GALNT13: variants seen among roughly 807,000 people sequenced by gnomAD.
GALNT13 encodes the protein polypeptide N-acetylgalactosaminyltransferase 13.
GALNT13 carries 28 observed loss-of-function variants against 64.2 expected under a neutral mutation model. The ratio of observed to expected loss-of-function variants is 0.44; its 90% confidence interval spans 0.32 to 0.60. The LOEUF is 0.60. GALNT13 is among the 20% of genes least tolerant of loss of function. The probability of loss-of-function intolerance (pLI) is 0.05; values close to 1 mark genes in which losing one functional copy is unlikely to be tolerated. For synonymous variants in GALNT13, 214 were observed against 224.6 expected, an observed-to-expected ratio of 0.95 and a Z score of 0.42; for missense variants, 577 against 669.8, an observed-to-expected ratio of 0.86 and a Z score of 1.53.
the GALNT13 span, among the ~76,000 whole-genome samples, chr2:153,163,291 G>A: frequency 5.9e-5 from 9 of 152,178 alleles, no homozygotes; most frequent in Non-Finnish European, 1.3e-4. Flanking sequence ...TAGAGTAAGT[G>A]AGGAGCCCAA....
chr2:153,373,958 G>A, the GALNT13 span, among the ~76,000 whole-genome samples: 8 of 151,968 alleles, frequency 5.3e-5, no homozygotes, highest in Admixed American at 6.6e-5. Context: ...CTTTTTTACG[G>A]TTGAATAATA....
the GALNT13 span, among the ~76,000 whole-genome samples, chr2:153,552,396 CG>C: frequency 6.6e-6 from 1 of 151,960 alleles, no homozygotes; most frequent in East Asian, 1.9e-4. Context: ...ATTGCAAGGA[CG>C]ATGTTCTTGA....
intron 11 of GALNT13, among the ~76,000 whole-genome samples, chr2:154,422,559 A>G (rs1367909955): frequency 6.6e-6 from 1 of 152,214 alleles, no homozygotes; most frequent in Admixed American, 6.5e-5. Flanking sequence ...AAAACCTACC[A>G]GATAGACATA....
At chr2:154,067,487 A>ATACT (rs1700527977) in intron 3 of GALNT13, among the ~76,000 whole-genome samples, 1 of 152,022 alleles carries the variant, frequency 6.6e-6, no homozygotes. Flanking sequence ...AGGAGTAGCT[A>ATACT]TACTTACATC....
chr2:153,600,821 G>A, the GALNT13 span, among the ~76,000 whole-genome samples: 1 of 151,968 alleles, frequency 6.6e-6, no homozygotes. Context: ...CTGTAATTCA[G>A]ATGAGGATCC....
chr2:153,999,801 T>C (rs1228659543), intron 3 of GALNT13, among the ~76,000 whole-genome samples: 1 of 152,056 alleles, frequency 6.6e-6, no homozygotes, highest in Non-Finnish European at 1.5e-5. Flanking sequence ...TCTTGTCTGG[T>C]TTTGGTATCA....
chr2:153,172,953 A>G, the GALNT13 span, among the ~76,000 whole-genome samples: 1 of 152,162 alleles, frequency 6.6e-6, no homozygotes, highest in Non-Finnish European at 1.5e-5. Context: ...TCTAAGGCAG[A>G]TTATTTAAGC....
At chr2:154,360,124 A>G (rs1696980105) in intron 9 of GALNT13, among the ~76,000 whole-genome samples, 2 of 152,168 alleles carry the variant, frequency 1.3e-5, no homozygotes, top group African/African-American at 4.8e-5. Context: ...GTTATACAGT[A>G]TTACACTGAC....
At chr2:153,323,256 G>A in the GALNT13 span, among the ~76,000 whole-genome samples, 2 of 152,242 alleles carry the variant, frequency 1.3e-5, no homozygotes, top group African/African-American at 2.4e-5. Flanking sequence ...CAGTGATGAT[G>A]AGCTTTTTTT....
chr2:154,305,017 G>A (rs771424283), intron 9 of GALNT13, among the ~76,000 whole-genome samples: 1 of 152,180 alleles, frequency 6.6e-6, no homozygotes, highest in Non-Finnish European at 1.5e-5. Context: ...GAAAAAGGAA[G>A]AATGGACGCA....
At chr2:153,292,666 A>G in the GALNT13 span, among the ~76,000 whole-genome samples, 1 of 152,176 alleles carries the variant, frequency 6.6e-6, no homozygotes, top group Non-Finnish European at 1.5e-5. Flanking sequence ...ACATGAAAGC[A>G]AAGAGACAGT....
the GALNT13 span, among the ~76,000 whole-genome samples, chr2:153,579,238 C>A: frequency 4.9e-4 from 74 of 152,048 alleles, no homozygotes; most frequent in African/African-American, 1.7e-3. Flanking sequence ...CAAAGGGTTG[C>A]CCAGGAGTCT....
the GALNT13 span, among the ~76,000 whole-genome samples, chr2:153,385,194 A>G: frequency 2.6e-4 from 40 of 152,102 alleles, no homozygotes; most frequent in African/African-American, 7.7e-4. Context: ...GTATATACCC[A>G]AAAGAGAGGA....
chr2:153,140,097 A>T, the GALNT13 span, among the ~76,000 whole-genome samples: 1 of 152,062 alleles, frequency 6.6e-6, no homozygotes, highest in South Asian at 2.1e-4. Context: ...CTTACCATCC[A>T]TTCCTTAAGA....
the GALNT13 span, among the ~76,000 whole-genome samples, chr2:153,793,946 G>A: frequency 1.3e-5 from 2 of 152,134 alleles, no homozygotes; most frequent in Non-Finnish European, 2.9e-5. Flanking sequence ...CTTATAAGGA[G>A]GTTGGTCTTG....
chr2:153,713,904 T>TA, the GALNT13 span, among the ~76,000 whole-genome samples: 1 of 152,216 alleles, frequency 6.6e-6, no homozygotes, highest in East Asian at 1.9e-4. Context: ...CCCAAAGTGA[T>TA]ACAATTTGCT....
the GALNT13 span, among the ~76,000 whole-genome samples, chr2:153,075,767 G>A: frequency 6.6e-6 from 1 of 151,786 alleles, no homozygotes. Context: ...CTCTTTTATA[G>A]GTAACCACCA....
rs117439044 is a variant in GALNT13 at position 154,028,394 on chromosome 2, T to G, written c.142+83755T>G. 3.3e-5 allele frequency among the ~76,000 whole-genome samples: 5 copies of G among 152,274 alleles called. No homozygotes were observed. In the East Asian group the frequency reaches 9.6e-4, roughly 29 times the overall value. On this transcript the variant is annotated intron_variant, in intron 3 of 12. Transcript: ENST00000392825. ...CTTGCAAGTTGATTGTTTTCTTTTG[T>G]TATTGGCTTCAGTATTTCCCCAAGC...
chr2:153,964,040 G>A (rs889539135), intron 3 of GALNT13, among the ~76,000 whole-genome samples: 2 of 151,672 alleles, frequency 1.3e-5, no homozygotes, highest in Admixed American at 6.6e-5. Context: ...TAATTTTGGT[G>A]TAGAGGGTGA....
Sources: allele counts gnomAD v4.1 joint callset (sites outside exome capture counted in the v4.1 genomes callset), GRCh38; gene constraint gnomAD v4.1.1; transcripts MANE v1.5; gene names NCBI Gene and HGNC (gene_info 2026-07-23, HGNC 2026-07-21).